Variants in GNAT1 observed in about 807,000 individuals in gnomAD.
GNAT1 encodes guanine nucleotide-binding protein G(t) subunit alpha-1.
A neutral mutation model predicts 40.0 loss-of-function variants in GNAT1; 36 were observed. The ratio of observed to expected loss-of-function variants is 0.90; its 90% CI spans 0.69 to 1.19. GNAT1 has a LOEUF of 1.19. GNAT1 is among the 50% of genes most tolerant of loss of function. GNAT1 has a pLI of 0.00. For synonymous variants in GNAT1, 195 were observed against 192.9 expected, an observed-to-expected ratio of 1.01 and a Z score of -0.09; for missense variants, 413 against 480.6, an observed-to-expected ratio of 0.86 and a Z score of 1.32.
At position 50,197,641 on chromosome 3, in the gene GNAT1, C is replaced by T. The variant is rs1167671943; in HGVS notation, c.*2375C>T. 6.6e-6 allele frequency among the ~76,000 whole-genome samples: 1 copy of T among 152,118 alleles called. No homozygotes were observed. The highest frequency in any genetic ancestry group is 1.5e-5 in the Non-Finnish European group (1 of 68,038). The stretch of plus-strand genomic sequence containing the variant: ...TTCATCTATTGATGAATGGTTACAT[C>T]TGCCTTTTGGCTATTGTGAATAATG... On this transcript the variant is annotated 3_prime_UTR_variant, in exon 9 of 9. Coordinates refer to ENST00000232461, the MANE Select transcript of GNAT1 (RefSeq NM_144499.3).
In GNAT1 at chr3:50,193,700, G is replaced by GCGCGGGT. The variant is rs1431085325; in HGVS notation, c.449+40_449+41insGGGTCGC. 1 of 1,600,894 alleles carries GCGCGGGT rather than the reference G, an allele frequency of 6.2e-7. No individual in the cohort carries two copies. The highest frequency in any genetic ancestry group is 8.5e-7 in the Non-Finnish European group (1 of 1,174,434). On this transcript the variant is annotated intron_variant, in intron 4 of 8. Coordinates refer to ENST00000232461, the MANE Select transcript of GNAT1 (RefSeq NM_144499.3). This position sits in a 1 kb window ranked among gnomAD's most constrained non-coding sequence, Gnocchi z 8.1. The stretch of plus-strand genomic sequence containing the variant: ...GGCAGCGCGGGGCGCGGGGCGCGGG[G>GCGCGGGT]CGCAGGGGGCCCTCCACGCCTCCCC...
chr3:50,193,543 T>A lies in GNAT1; in HGVS notation c.329T>A (p.Ile110Asn), dbSNP rs756003441. The A allele has an allele frequency of 1.2e-6, 2 of 1,613,120 alleles. No individual in the cohort carries two copies. Among genetic ancestry groups the A allele is most frequent in the African/African-American group, 2.7e-5 (2 of 74,856 alleles). The change falls in exon 4 of 9, where the codon ATC becomes AAC. Residue 110 changes from isoleucine (I) to asparagine (N), a missense_variant. Transcript: ENST00000232461. The surrounding 1 kb of genome is among the most constrained non-coding windows in gnomAD (Gnocchi z 8.1). ...ARKLMHMADT[I>N]EEGTMPKEMS... is the part of the protein sequence containing the mutation. ...AAGCTGATGCACATGGCAGACACTATCGAGGAGGGCACGATGCCCAAGGAG... is the reference window on the plus strand; with the variant it reads ...AAGCTGATGCACATGGCAGACACTAACGAGGAGGGCACGATGCCCAAGGAG...
Position 50,193,926 on chromosome 3 carries a change from G to T in GNAT1, c.578+45G>T, listed in dbSNP as rs770846912. ...CCAGGAGGTCACTGCCCCAGGCCCCGTCCTGCCCCGGGGACCCCATCCCTG... is the reference window on the plus strand; with the variant it reads ...CCAGGAGGTCACTGCCCCAGGCCCCTTCCTGCCCCGGGGACCCCATCCCTG... On this transcript the variant is annotated intron_variant, in intron 5 of 8. Transcript: ENST00000232461. The surrounding 1 kb of genome is among the most constrained non-coding windows in gnomAD (Gnocchi z 8.1). The T allele has an allele frequency of 7.4e-6, 12 of 1,612,068 alleles. No homozygotes were observed. The highest frequency in any genetic ancestry group is 1.0e-5 in the Non-Finnish European group (12 of 1,178,908).
At chr3:50,195,127 AC>A in intron 8 of GNAT1, 140 bp from the exon 9 acceptor site, 3 of 490,082 alleles carry the variant, frequency 6.1e-6, no homozygotes, top group Non-Finnish European at 1.0e-5. Context: ...GCCCCACCCC[AC>A]AAGTCCCACC....
At position 50,194,629 on chromosome 3, in the gene GNAT1, C is replaced by G. The variant is rs368618734; in HGVS notation, c.837C>G (p.Leu279=). The change falls in exon 7 of 9, where the codon CTC becomes CTG. Residue 279 remains leucine (L), a synonymous_variant. Transcript: ENST00000232461. The surrounding 1 kb of genome is among the most constrained non-coding windows in gnomAD (Gnocchi z 6.1). ...VFFEKIKKAH[L]SICFPDYDGP... ...TCGAGAAGATCAAGAAGGCGCACCT[C>G]AGCATCTGTTTCCCGGACTACGATG... 28 of 1,613,442 alleles carry G rather than the reference C, an allele frequency of 1.7e-5. No homozygotes were observed. In the African/African-American group the frequency reaches 3.6e-4, roughly 21 times the overall value.
rs779522093 is a variant in GNAT1, at chr3:50,193,772, C to G, written c.469C>G (p.Arg157Gly). ...SAGYYLSDLE[R>G]LVTPGYVPTE... The stretch of plus-strand genomic sequence containing the variant: ...GCGCAGCTACCTCTCCGACCTGGAG[C>G]GCCTGGTAACCCCGGGCTACGTGCC... The change falls in exon 5 of 9, where the codon CGC (arginine) becomes GGC (glycine). Residue 157 changes from arginine to glycine, a missense_variant. By Grantham distance (125) the Arg-to-Gly change is moderately radical. Coordinates refer to ENST00000232461, the MANE Select transcript of GNAT1 (RefSeq NM_144499.3). This position sits in a 1 kb window ranked among gnomAD's most constrained non-coding sequence, Gnocchi z 8.1. 1 of 1,612,280 alleles carries G rather than the reference C, an allele frequency of 6.2e-7. No individual in the cohort carries two copies. The highest frequency in any genetic ancestry group is 1.1e-5 in the South Asian group (1 of 91,054).
Position 50,194,603 on chromosome 3 carries a change from T to C in GNAT1, c.811T>C (p.Phe271Leu). The C allele has an allele frequency of 6.2e-6, 10 of 1,613,706 alleles. No individual in the cohort carries two copies. Among genetic ancestry groups the C allele is most frequent in the African/African-American group, 1.3e-5 (1 of 75,024 alleles). Residue 271 changes from phenylalanine (F) to leucine (L), a missense_variant, in exon 7 of 9, where the codon TTC becomes CTC. Physicochemically the swap from Phe to Leu is conservative, Grantham distance 22. Transcript: ENST00000232461. This position sits in a 1 kb window ranked among gnomAD's most constrained non-coding sequence, Gnocchi z 6.1. ...VLFLNKKDVF[F>L]EKIKKAHLSI... is the part of the protein sequence containing the mutation. ...CTTCCTTAACAAGAAGGACGTCTTC[T>C]TCGAGAAGATCAAGAAGGCGCACCT...
rs184223436 is a variant in GNAT1 at position 50,197,256 on chromosome 3, G to A, written c.*1990G>A. 4.1e-4 allele frequency among the ~76,000 whole-genome samples: 62 copies of A among 152,246 alleles called. 1 individual carries two copies. The East Asian group carries it at 5.2e-3, about 13-fold the overall frequency. On this transcript the variant is annotated 3_prime_UTR_variant, in exon 9 of 9. Transcript: ENST00000232461. ...AAGTTTACTATCTCAGCCACTTGCC[G>A]GTGTATAGTTTGGTGGTGTTAAGTA... is the stretch of plus-strand genomic sequence containing the variant.
intron 1 of GNAT1, chr3:50,192,759 A>G: frequency 2.3e-6 from 1 of 425,834 alleles, no homozygotes; most frequent in East Asian, 4.8e-5. Flanking sequence ...CAAATAACCC[A>G]GTGCTTGCGG....
chr3:50,194,850 T>G lies in GNAT1; in HGVS notation c.948T>G (p.Tyr316Ter), dbSNP rs376830581. The change falls in exon 8 of 9, where the codon TAT becomes TAG. Residue 316 changes from tyrosine to a stop codon, truncating the protein, a stop_gained. Coordinates refer to ENST00000232461, the MANE Select transcript of GNAT1 (RefSeq NM_144499.3). LOFTEE classifies it high-confidence loss of function. The surrounding 1 kb of genome is among the most constrained non-coding windows in gnomAD (Gnocchi z 6.1). The stretch of plus-strand genomic sequence containing the variant: ...TGCGGCGCGACGTGAAGGAGATCTA[T>G]TCCCACATGACGTGCGCCACCGACA... ...LNMRRDVKEI[Y>*]SHMTCATDTQ... 6.2e-7 allele frequency: 1 copy of G among 1,613,728 alleles called. No homozygotes were observed. The highest frequency in any genetic ancestry group is 1.3e-5 in the African/African-American group (1 of 74,890).
rs1217407330 is a variant in GNAT1, at chr3:50,194,431, G to T, written c.709-70G>T. ...GCTGAGCGGGAAGCCCCGCGTGCCC[G>T]GGAGCCCAGAGAGCAGGTGCTGCGG... On this transcript the variant is annotated intron_variant, in intron 6 of 8. Coordinates refer to ENST00000232461, the MANE Select transcript of GNAT1 (RefSeq NM_144499.3). This position sits in a 1 kb window ranked among gnomAD's most constrained non-coding sequence, Gnocchi z 6.1. 3 of 1,553,982 alleles carry T rather than the reference G, an allele frequency of 1.9e-6. No homozygotes were observed. The highest frequency in any genetic ancestry group is 3.4e-5 in the Admixed American group (2 of 58,414).
In GNAT1 at chr3:50,194,254, GGC is replaced by G; in HGVS notation, c.708+35_708+36del. ...CCAGGCAGGGCCTGTGTTCCAGGGG[GGC>G]GAGGAGGAGCTGCTGGTCCCTGGAG... On this transcript the variant is annotated intron_variant, in intron 6 of 8. Transcript: ENST00000232461. This position sits in a 1 kb window ranked among gnomAD's most constrained non-coding sequence, Gnocchi z 6.1. 1 of 1,581,840 alleles carries G rather than the reference GGC, an allele frequency of 6.3e-7. No homozygotes were observed. Among genetic ancestry groups the G allele is most frequent in the Non-Finnish European group, 8.6e-7 (1 of 1,163,490 alleles).
chr3:50,191,792 G>T lies in GNAT1; in HGVS notation c.67G>T (p.Ala23Ser), dbSNP rs1053549443. ...GCTGGAAAAGAAGCTGAAAGAGGAC[G>T]CTGAGAAGGATGCTCGAACCGTGAA... The part of the protein sequence containing the change: ...RELEKKLKED[A>S]EKDARTVKLL... Residue 23 changes from alanine (A) to serine (S), a missense_variant, in exon 1 of 9, where the codon GCT becomes TCT. Transcript: ENST00000232461. 1 of 1,613,888 alleles carries T rather than the reference G, an allele frequency of 6.2e-7. No individual in the cohort carries two copies. The highest frequency in any genetic ancestry group is 8.5e-7 in the Non-Finnish European group (1 of 1,179,766).
At chr3:50,192,221 T>C (rs550660091) in intron 1 of GNAT1, among the ~76,000 whole-genome samples, 23 of 152,322 alleles carry the variant, frequency 1.5e-4, no homozygotes, top group African/African-American at 5.1e-4. Context: ...GAGCCCGTTA[T>C]TGGGCTGCTA....
chr3:50,192,128 G>A (rs1190632391), intron 1 of GNAT1, among the ~76,000 whole-genome samples: 7 of 152,336 alleles, frequency 4.6e-5, no homozygotes, highest in Admixed American at 6.5e-5. Context: ...CGACTTTTCC[G>A]TGGCTGGGTT....
Position 50,194,421 on chromosome 3 carries a change from C to T in GNAT1, c.709-80C>T. 1 of 1,524,820 alleles carries T rather than the reference C, an allele frequency of 6.6e-7. No individual in the cohort carries two copies. The highest frequency in any genetic ancestry group is 9.0e-7 in the Non-Finnish European group (1 of 1,113,376). 94.5% of individuals were successfully genotyped at this position (1,524,820 alleles called of 1,614,324 possible). On this transcript the variant is annotated intron_variant, in intron 6 of 8. Transcript: ENST00000232461. This position sits in a 1 kb window ranked among gnomAD's most constrained non-coding sequence, Gnocchi z 6.1. The stretch of plus-strand genomic sequence containing the variant: ...CTGAGAGCCAGCTGAGCGGGAAGCC[C>T]CGCGTGCCCGGGAGCCCAGAGAGCA...
In GNAT1 at chr3:50,196,139, A is replaced by G. The variant is rs933962774; in HGVS notation, c.*873A>G. 2.0e-5 allele frequency: 3 copies of G among 152,306 alleles called. No individual in the cohort carries two copies. Among genetic ancestry groups the G allele is most frequent in the Non-Finnish European group, 4.4e-5 (3 of 68,100 alleles). The allele number at this position is 152,306 out of a possible 1,614,324, so 9.4% of individuals were successfully genotyped here. A position where few individuals can be genotyped will look rare whatever the true frequency, so the allele number is the denominator to read the frequency against. ...TGAGGGGTGGCTGGGGACAGAGTCC[A>G]GCTCCCTTGGATCAGCCCAGAGGAT... On this transcript the variant is annotated 3_prime_UTR_variant, in exon 9 of 9. Transcript: ENST00000232461.
Position 50,194,031 on chromosome 3 carries a change from G to A in GNAT1, c.579-61G>A, listed in dbSNP as rs1699463416. ...GGCCGAGAGCTCCCCGACCAGCACA[G>A]GGCGAAGGGATGTTGCCTGTGGGGC... On this transcript the variant is annotated intron_variant, in intron 5 of 8. Transcript: ENST00000232461. The surrounding 1 kb of genome is among the most constrained non-coding windows in gnomAD (Gnocchi z 6.1). 2 of 1,610,866 alleles carry A rather than the reference G, an allele frequency of 1.2e-6. No individual in the cohort carries two copies. The highest frequency in any genetic ancestry group is 1.7e-6 in the Non-Finnish European group (2 of 1,177,926).
chr3:50,192,525 G>C (rs900552007), intron 1 of GNAT1: 2 of 181,092 alleles, frequency 1.1e-5, no homozygotes, highest in African/African-American at 4.8e-5. Context: ...CCAGGGTCTG[G>C]TCAACCAGCT....
Sources: allele counts gnomAD v4.1 joint callset (sites outside exome capture counted in the v4.1 genomes callset), GRCh38; gene constraint gnomAD v4.1.1; non-coding constraint Gnocchi (gnomAD v3.1); transcripts MANE v1.5; gene names NCBI Gene and HGNC (gene_info 2026-07-23, HGNC 2026-07-21).